Variants in CDADC1 observed in about 807,000 individuals in gnomAD.
CDADC1 encodes dCTP deaminase.
A neutral mutation model predicts 54.9 loss-of-function variants in CDADC1; 39 were observed. The ratio of observed to expected loss-of-function variants is 0.71; its 90% CI spans 0.55 to 0.93. The LOEUF (loss-of-function observed/expected upper bound fraction) is 0.93, where lower values mean the gene tolerates loss of function less well. Among genes scored for constraint, CDADC1 ranks in the 40% least tolerant of loss-of-function variants. The pLI is 0.00. For missense variants in CDADC1, 518 were observed against 618.8 expected (o/e 0.84, Z 1.73); for synonymous variants, 186 against 204.0 (o/e 0.91, Z 0.75).
intron 5 of CDADC1, among the ~76,000 whole-genome samples, chr13:49,268,891 G>T (rs1334883649): frequency 6.6e-6 from 1 of 152,080 alleles, no homozygotes; most frequent in Non-Finnish European, 1.5e-5. Flanking sequence ...GTATTAAGTT[G>T]TATATTTGGA....
intron 3 of CDADC1, among the ~76,000 whole-genome samples, chr13:49,257,580 C>T (rs937295737): frequency 1.3e-5 from 2 of 152,162 alleles, no homozygotes; most frequent in Non-Finnish European, 1.5e-5. Flanking sequence ...ACCATCCTGG[C>T]TAACATGGTG....
intron 4 of CDADC1, 28 bp from the exon 5 acceptor site, chr13:49,267,462 T>A: frequency 6.4e-7 from 1 of 1,573,032 alleles, no homozygotes; most frequent in African/African-American, 1.4e-5. Flanking sequence ...ATGTATCTCA[T>A]AATTACCTTT....
At chr13:49,283,976 G>T (rs1953430368) in intron 8 of CDADC1, among the ~76,000 whole-genome samples, 1 of 152,220 alleles carries the variant, frequency 6.6e-6, no homozygotes, top group South Asian at 2.1e-4. Flanking sequence ...AAAATAGTGT[G>T]TGTCAATAAA....
intron 5 of CDADC1, among the ~76,000 whole-genome samples, chr13:49,272,832 A>AT (rs369805355): frequency 1.3e-5 from 2 of 151,724 alleles, no homozygotes; most frequent in African/African-American, 4.8e-5. Context: ...TAATTTTTGT[A>AT]TTTTTAGTAG....
intron 2 of CDADC1, among the ~76,000 whole-genome samples, chr13:49,250,251 A>G (rs1952394123): frequency 6.6e-6 from 1 of 152,240 alleles, no homozygotes; most frequent in South Asian, 2.1e-4. Flanking sequence ...AAATTCCCAC[A>G]GTACTCTTAG....
At chr13:49,258,864 A>C (rs1952607005) in intron 3 of CDADC1, among the ~76,000 whole-genome samples, 1 of 152,238 alleles carries the variant, frequency 6.6e-6, no homozygotes, top group South Asian at 2.1e-4. Flanking sequence ...ATATTTTAGA[A>C]TTTAAGATGA....
rs1161053323 is a variant in CDADC1, at chr13:49,293,028, A to G, written c.*1271A>G. On this transcript the variant is annotated 3_prime_UTR_variant, in exon 10 of 10. Transcript: ENST00000251108. ...ACAAGGCAGCCAAGAACTGCCATAAACACTACACAGATGGAGGGCATGGGA... is the reference window on the plus strand; with the variant it reads ...ACAAGGCAGCCAAGAACTGCCATAAGCACTACACAGATGGAGGGCATGGGA... The G allele has an allele frequency of 2.6e-5, 6 of 230,676 alleles. No individual in the cohort carries two copies. The Admixed American group carries it at 3.2e-4, about 12-fold the overall frequency. 14.3% of individuals were successfully genotyped at this position (230,676 alleles called of 1,614,324 possible).
intron 2 of CDADC1, among the ~76,000 whole-genome samples, chr13:49,253,406 C>G (rs1005374702): frequency 6.6e-6 from 1 of 152,154 alleles, no homozygotes; most frequent in Non-Finnish European, 1.5e-5. Context: ...AATACTTATG[C>G]TGTAATGCTA....
At chr13:49,277,318 A>G (rs1953174211) in intron 6 of CDADC1, among the ~76,000 whole-genome samples, 1 of 151,984 alleles carries the variant, frequency 6.6e-6, no homozygotes, top group Non-Finnish European at 1.5e-5. Context: ...AAAAAAAGAA[A>G]AAATTAGCCA....
intron 2 of CDADC1, among the ~76,000 whole-genome samples, chr13:49,249,908 T>C (rs1952386071): frequency 6.6e-6 from 1 of 152,318 alleles, no homozygotes; most frequent in South Asian, 2.1e-4. Flanking sequence ...CATTTCTGTT[T>C]GATAATTTTG....
At position 49,293,449 on chromosome 13, in the gene CDADC1, A is replaced by G. The variant is rs1391486341; in HGVS notation, c.*1692A>G. 6.6e-6 allele frequency: 1 copy of G among 152,112 alleles called. No individual in the cohort carries two copies. The highest frequency in any genetic ancestry group is 1.5e-5 in the Non-Finnish European group (1 of 68,034). 9.4% of individuals were successfully genotyped at this position (152,112 alleles called of 1,614,324 possible). ...AATGCCATTTTTTTTCTTCTGTACA[A>G]CTGGTCAGATTTCAATAAATAATCA... On this transcript the variant is annotated 3_prime_UTR_variant, in exon 10 of 10. Transcript: ENST00000251108.
At position 49,293,430 on chromosome 13, in the gene CDADC1, A is replaced by G. The variant is rs185529714; in HGVS notation, c.*1673A>G. 4 of 152,150 alleles carry G rather than the reference A, an allele frequency of 2.6e-5. No individual in the cohort carries two copies. The East Asian group carries it at 5.8e-4, about 22-fold the overall frequency. The allele number at this position is 152,150 out of a possible 1,614,324, so 9.4% of individuals were successfully genotyped here. A position where few individuals can be genotyped will look rare whatever the true frequency, so the allele number is the denominator to read the frequency against. On this transcript the variant is annotated 3_prime_UTR_variant, in exon 10 of 10. Coordinates refer to ENST00000251108, the MANE Select transcript of CDADC1 (RefSeq NM_030911.4). ...CTATTAAGAGAGGCATGATAATGCCATTTTTTTTCTTCTGTACAACTGGTC... is the reference window on the plus strand; with the variant it reads ...CTATTAAGAGAGGCATGATAATGCCGTTTTTTTTCTTCTGTACAACTGGTC...
intron 4 of CDADC1, among the ~76,000 whole-genome samples, chr13:49,259,874 G>A (rs558739664): frequency 3.8e-4 from 57 of 151,884 alleles, no homozygotes; most frequent in Admixed American, 2.0e-4. Context: ...AGAAAGGAGC[G>A]TTTCTCTGAG....
chr13:49,281,835 C>T (rs954266009), intron 8 of CDADC1, among the ~76,000 whole-genome samples: 11 of 152,136 alleles, frequency 7.2e-5, no homozygotes, highest in African/African-American at 2.7e-4. Flanking sequence ...ACTCATTGCC[C>T]AGGCTGGAGT....
intron 6 of CDADC1, 71 bp from the exon 7 acceptor site, chr13:49,278,279 G>A (rs1953203889): frequency 8.7e-7 from 1 of 1,152,574 alleles, no homozygotes; most frequent in Admixed American, 2.5e-5. Flanking sequence ...ATGATAGCAA[G>A]CTTCAAAAAT....
chr13:49,248,073 C>G lies in CDADC1; in HGVS notation c.36C>G (p.Ser12Arg). 2 of 1,553,832 alleles carry G rather than the reference C, an allele frequency of 1.3e-6. No individual in the cohort carries two copies. The highest frequency in any genetic ancestry group is 1.7e-6 in the Non-Finnish European group (2 of 1,148,346). ...KEAGQMQNLE[S>R]ARAGRSVSTQ... is the part of the protein sequence containing the mutation. ...CTGGGCAGATGCAAAATCTGGAGAGCGCGAGGGCCGGGCGGTCAGTCAGCA... is the reference window on the plus strand; with the variant it reads ...CTGGGCAGATGCAAAATCTGGAGAGGGCGAGGGCCGGGCGGTCAGTCAGCA... The change falls in exon 1 of 10, where the codon AGC (serine) becomes AGG (arginine). Residue 12 changes from serine (S) to arginine (R), a missense_variant. By Grantham distance (110) the Ser-to-Arg change is moderately radical (BLOSUM62 -1). Coordinates refer to ENST00000251108, the MANE Select transcript of CDADC1 (RefSeq NM_030911.4).
chr13:49,275,606 C>G (rs1332536692), intron 6 of CDADC1, among the ~76,000 whole-genome samples: 3 of 148,326 alleles, frequency 2.0e-5, no homozygotes, highest in Non-Finnish European at 4.4e-5. Flanking sequence ...TGGACTTTAT[C>G]CTGGCAGTGA....
At chr13:49,282,245 T>TTTTC (rs1953370382) in intron 8 of CDADC1, among the ~76,000 whole-genome samples, 1 of 146,200 alleles carries the variant, frequency 6.8e-6, no homozygotes, top group Non-Finnish European at 1.5e-5. Context: ...GGTTTTTTTT[T>TTTTC]TTTTTTTTTT....
chr13:49,279,622 G>A (rs975304926), intron 7 of CDADC1, among the ~76,000 whole-genome samples: 3 of 152,164 alleles, frequency 2.0e-5, no homozygotes, highest in Non-Finnish European at 2.9e-5. Flanking sequence ...AGAGCCATAC[G>A]CTATAGATTA....
Sources: gnomAD v4.1 joint callset for allele counts (sites outside exome capture counted in the v4.1 genomes callset) on GRCh38, gnomAD v4.1.1 for gene constraint, MANE v1.5 for transcripts, NCBI Gene and HGNC (gene_info 2026-07-23, HGNC 2026-07-21) for gene names.